Variants in METTL25 observed in about 807,000 individuals in gnomAD.
METTL25 encodes methyltransferase like 25.
A neutral mutation model predicts 71.6 loss-of-function variants in METTL25; 64 were observed. The observed-to-expected ratio is 0.89, with a 90% CI of 0.73 to 1.10. METTL25 has a LOEUF of 1.10. Ranked by LOEUF, METTL25 falls within the 50% of genes least tolerant of loss-of-function variation. The pLI is 0.00. For synonymous variants in METTL25, 287 were observed against 250.3 expected (o/e 1.15, Z -1.38); for missense variants, 807 against 707.0 (o/e 1.14, Z -1.60).
intron 1 of METTL25, among the ~76,000 whole-genome samples, chr12:82,360,974 T>C (rs1881780059): frequency 6.6e-6 from 1 of 152,256 alleles, no homozygotes; most frequent in Middle Eastern, 3.4e-3. Flanking sequence ...ACAAACGCAG[T>C]GTGGACCCAA....
At chr12:82,370,960 T>C (rs1279109256) in intron 1 of METTL25, among the ~76,000 whole-genome samples, 1 of 152,264 alleles carries the variant, frequency 6.6e-6, no homozygotes, top group Non-Finnish European at 1.5e-5. Flanking sequence ...CATGATTTCC[T>C]TGTGGTATTT....
At chr12:82,399,579 A>G (rs1324638569) in intron 4 of METTL25, among the ~76,000 whole-genome samples, 185 bp downstream of exon 4, 1 of 152,202 alleles carries the variant, frequency 6.6e-6, no homozygotes, top group Non-Finnish European at 1.5e-5. Flanking sequence ...TGTTCAGAAT[A>G]GAGTATCCTC....
At chr12:82,445,192 AT>A (rs1890651779) in intron 8 of METTL25, among the ~76,000 whole-genome samples, 1 of 152,192 alleles carries the variant, frequency 6.6e-6, no homozygotes, top group Admixed American at 6.5e-5. Context: ...TAGCCTAAAA[AT>A]ATCAACAAAT....
chr12:82,389,870 A>G lies in METTL25; in HGVS notation c.479A>G (p.Gln160Arg), dbSNP rs761670272. 1 of 1,604,022 alleles carries G rather than the reference A, an allele frequency of 6.2e-7. No individual in the cohort carries two copies. Among genetic ancestry groups the G allele is most frequent in the East Asian group, 2.3e-5 (1 of 44,442 alleles). Reference sequence around the variant, plus strand: ...AATATGAAGAAATCTCATGAAGTTCAGGCAATGTCAGAGCTGATCAGCAGT... The same window carrying G: ...AATATGAAGAAATCTCATGAAGTTCGGGCAATGTCAGAGCTGATCAGCAGT... ...FMNMKKSHEV[Q>R]AMSELISSIA... The change falls in exon 3 of 12, where the codon CAG becomes CGG. Residue 160 changes from glutamine to arginine, a missense_variant. By Grantham distance (43) the Gln-to-Arg change is conservative. Transcript: ENST00000248306.
chr12:82,413,803 TAATA>T (rs1887740742), intron 5 of METTL25, among the ~76,000 whole-genome samples: 1 of 151,900 alleles, frequency 6.6e-6, no homozygotes, highest in African/African-American at 2.4e-5. Context: ...CATAAATAAA[TAATA>T]AATAATAAAT....
At chr12:82,437,255 A>G (rs1049936503) in intron 7 of METTL25, among the ~76,000 whole-genome samples, 3 of 151,714 alleles carry the variant, frequency 2.0e-5, no homozygotes, top group African/African-American at 7.2e-5. Context: ...TTGAAAAGTT[A>G]CAAATTTTAG....
At chr12:82,474,817 CAG>C (rs1892790030) in intron 9 of METTL25, among the ~76,000 whole-genome samples, 1 of 151,790 alleles carries the variant, frequency 6.6e-6, no homozygotes, top group Non-Finnish European at 1.5e-5. Flanking sequence ...AAGCAACAAA[CAG>C]AATGAGAAAG....
chr12:82,412,495 G>C (rs1480978311), intron 5 of METTL25, among the ~76,000 whole-genome samples: 7 of 152,068 alleles, frequency 4.6e-5, no homozygotes, highest in African/African-American at 1.7e-4. Flanking sequence ...TAAATGCTGG[G>C]TTGGCAAGAG....
At chr12:82,372,610 C>T (rs1157438579) in intron 1 of METTL25, among the ~76,000 whole-genome samples, 1 of 152,126 alleles carries the variant, frequency 6.6e-6, no homozygotes, top group African/African-American at 2.4e-5. Context: ...CCATTTTTCC[C>T]CATCAGAGAG....
Position 82,477,362 on chromosome 12 carries a change from G to A in METTL25, c.1719+10G>A, listed in dbSNP as rs751933586. 2 of 1,447,390 alleles carry A rather than the reference G, an allele frequency of 1.4e-6. No individual in the cohort carries two copies. The highest frequency in any genetic ancestry group is 1.4e-5 in the African/African-American group (1 of 70,314). The allele number at this position is 1,447,390 out of a possible 1,614,324, so 89.7% of individuals were successfully genotyped here. ...TTACCTGAAAGAGCAGGTAAATTAT[G>A]TTATTTTAAAATACACAACAAATAT... On this transcript the variant is annotated intron_variant, in intron 11 of 11. Transcript: ENST00000248306.
At chr12:82,359,913 GT>G (rs1181009168) in intron 1 of METTL25, among the ~76,000 whole-genome samples, 9 of 152,080 alleles carry the variant, frequency 5.9e-5, no homozygotes, top group African/African-American at 2.2e-4. Context: ...TACTGTTGTT[GT>G]TTTTTTAAGT....
intron 1 of METTL25, among the ~76,000 whole-genome samples, chr12:82,367,982 T>G (rs1356712364): frequency 6.6e-6 from 1 of 152,146 alleles, no homozygotes. Flanking sequence ...GAATCCTAAT[T>G]CTTGTCTGAA....
intron 6 of METTL25, among the ~76,000 whole-genome samples, chr12:82,431,190 A>T (rs542838918): frequency 7.7e-4 from 117 of 151,320 alleles, no homozygotes; most frequent in Non-Finnish European, 1.4e-3. Flanking sequence ...AATTATATAT[A>T]TTTTAATTAT....
chr12:82,439,026 T>C (rs1280628638), intron 8 of METTL25: 1 of 297,118 alleles, frequency 3.4e-6, no homozygotes, highest in African/African-American at 2.2e-5. Context: ...AAATAATCTA[T>C]GTAAAATGTA....
intron 1 of METTL25, among the ~76,000 whole-genome samples, chr12:82,361,407 G>A (rs958417539): frequency 2.0e-5 from 3 of 152,220 alleles, no homozygotes; most frequent in Non-Finnish European, 4.4e-5. Flanking sequence ...GTCCCATGCC[G>A]TGCGCCCGCA....
intron 1 of METTL25, among the ~76,000 whole-genome samples, chr12:82,366,985 C>T (rs1195097809): frequency 6.6e-6 from 1 of 152,258 alleles, no homozygotes; most frequent in Non-Finnish European, 1.5e-5. Flanking sequence ...CTTTGAGAAC[C>T]AAGGATAATT....
intron 8 of METTL25, among the ~76,000 whole-genome samples, chr12:82,455,612 A>G (rs1486377590): frequency 3.3e-5 from 5 of 151,926 alleles, no homozygotes; most frequent in South Asian, 4.1e-4. Flanking sequence ...GAACTGTGTA[A>G]TCCATTAAGA....
intron 1 of METTL25, among the ~76,000 whole-genome samples, 173 bp from the exon 2 acceptor site, chr12:82,386,630 A>G (rs1885047045): frequency 6.6e-6 from 1 of 151,918 alleles, no homozygotes; most frequent in African/African-American, 2.4e-5. Flanking sequence ...CATATAGCTA[A>G]TCGTTTAAAT....
intron 5 of METTL25, among the ~76,000 whole-genome samples, chr12:82,427,500 T>C (rs1406772154): frequency 6.6e-6 from 1 of 151,986 alleles, no homozygotes; most frequent in Non-Finnish European, 1.5e-5. Context: ...GTATTTTTTC[T>C]AGTCCAAGTT....
Sources: allele counts gnomAD v4.1 joint callset (sites outside exome capture counted in the v4.1 genomes callset), GRCh38; gene constraint gnomAD v4.1.1; transcripts MANE v1.5; gene names NCBI Gene and HGNC (gene_info 2026-07-23, HGNC 2026-07-21).